The following PCNX4 variants were observed in gnomAD, a reference collection of about 807,000 sequenced individuals.
PCNX4 encodes the protein pecanex 4.
PCNX4 carries 103 observed loss-of-function variants against 107.2 expected under a neutral mutation model. That is an observed-to-expected ratio of 0.96 (90% CI 0.82 to 1.13). PCNX4 has a LOEUF of 1.13. Ranked by LOEUF, PCNX4 falls within the 50% of genes most tolerant of loss-of-function variation. The pLI, the probability that PCNX4 is intolerant of heterozygous loss-of-function variation, is 0.00. For synonymous variants in PCNX4, 541 were observed against 481.7 expected (o/e 1.12, Z -1.61); for missense variants, 1,528 against 1,379.4 (o/e 1.11, Z -1.71).
intron 1 of PCNX4, among the ~76,000 whole-genome samples, chr14:60,106,356 A>G (rs183371798): frequency 3.3e-5 from 5 of 152,178 alleles, no homozygotes; most frequent in Admixed American, 3.3e-4. Context: ...AATGCTATAT[A>G]AATAGCTATA....
At position 60,140,867 on chromosome 14, in the gene PCNX4, T is replaced by C. The variant is rs1166447540; in HGVS notation, c.*6646T>C. The C allele has an allele frequency of 2.0e-5, 3 of 152,220 alleles. No homozygotes were observed. Among genetic ancestry groups the C allele is most frequent in the Admixed American group, 1.3e-4 (2 of 15,282 alleles). The allele number at this position is 152,220 out of a possible 1,614,324, so 9.4% of individuals were successfully genotyped here. ...CACATAAGATGTTCAGAGTCAGAGA[T>C]AGATTTCTTATTACTCAGGGTAAAC... On this transcript the variant is annotated 3_prime_UTR_variant, in exon 11 of 11. Coordinates refer to ENST00000406854, the MANE Select transcript of PCNX4 (RefSeq NM_001330177.2). The surrounding 1 kb of genome is among the most constrained non-coding windows in gnomAD (Gnocchi z 4.2).
intron 2 of PCNX4, among the ~76,000 whole-genome samples, chr14:60,114,023 A>T (rs1895789652): frequency 6.6e-6 from 1 of 152,224 alleles, no homozygotes. Flanking sequence ...TCTCAGATTC[A>T]TACCACTGCT....
intron 1 of PCNX4, among the ~76,000 whole-genome samples, chr14:60,104,318 CAAAAA>C (rs200434027): frequency 1.5e-5 from 2 of 129,552 alleles, no homozygotes; most frequent in African/African-American, 7.0e-5. Context: ...GACTCCATCT[CAAAAA>C]AAAAAAAAAA....
intron 8 of PCNX4, among the ~76,000 whole-genome samples, chr14:60,123,174 C>T (rs1035129629): frequency 6.6e-6 from 1 of 152,020 alleles, no homozygotes; most frequent in African/African-American, 2.4e-5. Flanking sequence ...TTTAATAATA[C>T]CTAATAATGT....
At chr14:60,095,554 C>A (rs1033880202) in intron 1 of PCNX4, among the ~76,000 whole-genome samples, 1 of 152,136 alleles carries the variant, frequency 6.6e-6, no homozygotes, top group Admixed American at 6.5e-5. Flanking sequence ...TGACTTCTTC[C>A]CTTTGGCTAA....
chr14:60,125,435 G>A (rs1896036718), intron 9 of PCNX4, among the ~76,000 whole-genome samples, 184 bp downstream of exon 9: 1 of 152,018 alleles, frequency 6.6e-6, no homozygotes, highest in Non-Finnish European at 1.5e-5. Context: ...TGCTTCCTTT[G>A]GTTTTGTTTA....
At chr14:60,116,902 A>G (rs938096717) in intron 6 of PCNX4, among the ~76,000 whole-genome samples, 2 of 152,144 alleles carry the variant, frequency 1.3e-5, no homozygotes, top group Non-Finnish European at 2.9e-5. Flanking sequence ...GTGTTTTTGT[A>G]TCTTCATTTT....
chr14:60,114,907 A>G (rs371638060), intron 3 of PCNX4, 28 bp downstream of exon 3: 3 of 1,576,790 alleles, frequency 1.9e-6, no homozygotes, highest in Non-Finnish European at 2.6e-6. Context: ...TTGATGTTAT[A>G]TGTAATATTC....
chr14:60,126,743 G>C (rs1306921053), intron 10 of PCNX4, among the ~76,000 whole-genome samples: 1 of 152,182 alleles, frequency 6.6e-6, no homozygotes. Context: ...TTCCAGGCAT[G>C]TGATGTCCAA....
chr14:60,093,879 C>T (rs1895365000), intron 1 of PCNX4, among the ~76,000 whole-genome samples: 1 of 152,062 alleles, frequency 6.6e-6, no homozygotes. Context: ...TTTATTTTAG[C>T]CAGTCAAGGA....
chr14:60,118,760 G>A, intron 7 of PCNX4, 68 bp downstream of exon 7: 8 of 1,427,596 alleles, frequency 5.6e-6, no homozygotes, highest in South Asian at 3.5e-5. Flanking sequence ...ATAACAAACA[G>A]GAAAACAATC....
chr14:60,117,456 C>T lies in PCNX4; in HGVS notation c.1579-873C>T, dbSNP rs118147135. ...TAGCCTAGGTATGTAGTAGGCTATA[C>T]CACCTAGGTTTGTGTATGTACGCTC... On this transcript the variant is annotated intron_variant, in intron 6 of 10. Transcript: ENST00000406854. Among the ~76,000 whole-genome samples, 507 of 152,254 alleles carry T rather than the reference C, an allele frequency of 3.3e-3. 17 individuals are homozygous for T. The East Asian group carries it at 0.056, about 17-fold the overall frequency.
intron 6 of PCNX4, 72 bp from the exon 7 acceptor site, chr14:60,118,257 G>C (rs777530172): frequency 6.9e-7 from 1 of 1,452,808 alleles, no homozygotes; most frequent in Non-Finnish European, 9.1e-7. Context: ...TGTATAGTCT[G>C]TCTTATATGA....
At chr14:60,116,393 A>G (rs1413690157) in intron 6 of PCNX4, among the ~76,000 whole-genome samples, 1 of 152,164 alleles carries the variant, frequency 6.6e-6, no homozygotes, top group African/African-American at 2.4e-5. Context: ...ATGTTATAGC[A>G]TGTATCAGTA....
Position 60,125,771 on chromosome 14 carries a change from C to T in PCNX4, c.3215C>T (p.Ala1072Val). The T allele has an allele frequency of 6.2e-7, 1 of 1,610,266 alleles. No individual in the cohort carries two copies. The highest frequency in any genetic ancestry group is 1.3e-5 in the African/African-American group (1 of 74,758). The change falls in exon 10 of 11, where the codon GCA becomes GTA. Residue 1072 changes from alanine to valine, a missense_variant. Physicochemically the swap from Ala to Val is moderately conservative, Grantham distance 64 (BLOSUM62 0). Coordinates refer to ENST00000406854, the MANE Select transcript of PCNX4 (RefSeq NM_001330177.2). ...GLVSDEKWKE[A>V]ILQEKPYLFS... ...GTATCTGATGAAAAGTGGAAGGAAG[C>T]AATTTTACAAGAAAAGCCATACTTG...
intron 1 of PCNX4, among the ~76,000 whole-genome samples, chr14:60,097,350 G>A (rs537085070): frequency 1.3e-5 from 2 of 152,312 alleles, no homozygotes; most frequent in Admixed American, 1.3e-4. Context: ...CAACCCCTGA[G>A]AGCCCAAAGG....
chr14:60,119,625 T>C (rs990700917), intron 7 of PCNX4, among the ~76,000 whole-genome samples: 1 of 152,218 alleles, frequency 6.6e-6, no homozygotes, highest in Non-Finnish European at 1.5e-5. Context: ...TACAATACTT[T>C]TATCCAGTGT....
intron 8 of PCNX4, among the ~76,000 whole-genome samples, chr14:60,123,915 CA>C (rs893252845): frequency 1.4e-4 from 21 of 152,110 alleles, no homozygotes; most frequent in Admixed American, 3.3e-4. Flanking sequence ...TTGTGTGGCT[CA>C]CTCTTAACTA....
rs781273413 is a variant in PCNX4 at position 60,124,701 on chromosome 14, A to C, written c.2530A>C (p.Lys844Gln). ...AGTAATAGAAGAAAAACATCAGTTGAAAGATTTGCCAGGTACAAATTTGTT... is the reference window on the plus strand; with the variant it reads ...AGTAATAGAAGAAAAACATCAGTTGCAAGATTTGCCAGGTACAAATTTGTT... ...KKVIEEKHQLKDLPGTNLFIP... is the reference protein window; with the variant it reads ...KKVIEEKHQLQDLPGTNLFIP... The change falls in exon 9 of 11, where the codon AAA becomes CAA. Residue 844 changes from lysine to glutamine, a missense_variant. Physicochemically the swap from Lys to Gln is moderately conservative, Grantham distance 53. Transcript: ENST00000406854. The C allele has an allele frequency of 3.7e-6, 6 of 1,613,162 alleles. No homozygotes were observed. Among genetic ancestry groups the C allele is most frequent in the Non-Finnish European group, 5.1e-6 (6 of 1,179,758 alleles).
Sources: allele counts gnomAD v4.1 joint callset (sites outside exome capture counted in the v4.1 genomes callset), GRCh38; gene constraint gnomAD v4.1.1; non-coding constraint Gnocchi (gnomAD v3.1); transcripts MANE v1.5; gene names NCBI Gene and HGNC (gene_info 2026-07-23, HGNC 2026-07-21).